Variants in ATP2C2 observed in about 807,000 individuals in gnomAD.
The protein encoded by ATP2C2 is ATPase secretory pathway Ca2+ transporting 2, also known as calcium-transporting ATPase type 2C member 2.
Under a neutral mutation model 110.8 loss-of-function variants are expected in ATP2C2, and 171 were observed. That is an observed-to-expected ratio of 1.54 (90% confidence interval 1.36 to 1.75). The LOEUF (loss-of-function observed/expected upper bound fraction) is 1.75. Among genes scored for constraint, ATP2C2 ranks in the 40% most tolerant of loss-of-function variants. The probability of loss-of-function intolerance (pLI) is 0.00; values close to 1 mark genes in which losing one functional copy is unlikely to be tolerated. For missense variants in ATP2C2, 1,963 were observed against 1,235.0 expected, an observed-to-expected ratio of 1.59 and a Z score of -8.84; for synonymous variants, 804 against 508.4, an observed-to-expected ratio of 1.58 and a Z score of -7.82.
At chr16:84,428,170 G>C (rs1907956448) in intron 11 of ATP2C2, among the ~76,000 whole-genome samples, 1 of 152,196 alleles carries the variant, frequency 6.6e-6, no homozygotes, top group Admixed American at 6.5e-5. Context: ...TGGCCAGTGT[G>C]GGCAAGAGAA....
Position 84,410,760 on chromosome 16 carries a change from T to G in ATP2C2, c.510T>G (p.Cys170Trp). The change falls in exon 6 of 27, where the codon TGT (cysteine) becomes TGG (tryptophan). Residue 170 changes from cysteine to tryptophan, a missense_variant. Cys to Trp is a radical substitution (Grantham distance 215, BLOSUM62 -2). Transcript: ENST00000262429. The stretch of plus-strand genomic sequence containing the variant: ...TGACCAAGCTGGTTCCTCCAGAATG[T>G]AACTGGTAAGTCAGAGCCTCCCTGG... ...EELTKLVPPECNCLREGKLQH... is the reference protein window; with the variant it reads ...EELTKLVPPEWNCLREGKLQH... The G allele has an allele frequency of 6.2e-7, 1 of 1,614,056 alleles. No homozygotes were observed. Among genetic ancestry groups the G allele is most frequent in the Non-Finnish European group, 8.5e-7 (1 of 1,179,914 alleles).
At chr16:84,434,264 A>G (rs1279643611) in intron 11 of ATP2C2, among the ~76,000 whole-genome samples, 3 of 144,726 alleles carry the variant, frequency 2.1e-5, no homozygotes, top group Non-Finnish European at 4.5e-5. Flanking sequence ...AAAAATACAA[A>G]AATTAGCCAG....
chr16:84,389,449 C>T (rs187415417), intron 1 of ATP2C2, among the ~76,000 whole-genome samples: 5 of 152,244 alleles, frequency 3.3e-5, no homozygotes, highest in African/African-American at 1.2e-4. Context: ...ACATGACACA[C>T]AGTCATGGTT....
chr16:84,439,190 G>A lies in ATP2C2; in HGVS notation c.1011G>A (p.Glu337=). The A allele has an allele frequency of 6.2e-7, 1 of 1,612,246 alleles. No individual in the cohort carries two copies. Among genetic ancestry groups the A allele is most frequent in the Non-Finnish European group, 8.5e-7 (1 of 1,180,032 alleles). The change falls in exon 12 of 27, where the codon GAG becomes GAA. Residue 337 remains glutamate, a synonymous_variant. Transcript: ENST00000262429. ...GVSLAVAAIP[E]GLPIVVMVTL... ...GCCTGGCTGTGGCGGCCATTCCAGA[G>A]GGTCTGCCCATCGTCGTCATGGTGA... is the stretch of plus-strand genomic sequence containing the variant.
intron 1 of ATP2C2, 90 bp downstream of exon 1, chr16:84,368,804 G>C (rs1173589333): frequency 8.8e-7 from 1 of 1,135,180 alleles, no homozygotes; most frequent in Non-Finnish European, 1.2e-6. Context: ...CCGCGTTCGC[G>C]CTGCGATCCG....
At chr16:84,378,186 A>G (rs761282502) in intron 1 of ATP2C2, among the ~76,000 whole-genome samples, 49 of 152,192 alleles carry the variant, frequency 3.2e-4, no homozygotes, top group Middle Eastern at 6.8e-3. Flanking sequence ...TTTCACCCCC[A>G]TGCACTTCTC....
chr16:84,405,295 G>A (rs375518819), intron 3 of ATP2C2, 51 bp downstream of exon 3: 3 of 1,476,714 alleles, frequency 2.0e-6, no homozygotes, highest in African/African-American at 2.8e-5. Context: ...GCCAGCGAGG[G>A]TGGGGCAGCC....
At chr16:84,409,507 C>A (rs1199324328) in intron 4 of ATP2C2, among the ~76,000 whole-genome samples, 2 of 152,058 alleles carry the variant, frequency 1.3e-5, no homozygotes, top group Non-Finnish European at 2.9e-5. Context: ...TTCTCCTGAG[C>A]ACATTTTTTT....
At chr16:84,378,166 G>C (rs1045328549) in intron 1 of ATP2C2, among the ~76,000 whole-genome samples, 7 of 152,330 alleles carry the variant, frequency 4.6e-5, no homozygotes, top group East Asian at 1.9e-4. Context: ...AGGCTAACTA[G>C]AACTGCTTAT....
At chr16:84,426,527 G>A (rs914581752) in intron 11 of ATP2C2, among the ~76,000 whole-genome samples, 5 of 152,040 alleles carry the variant, frequency 3.3e-5, no homozygotes, top group East Asian at 3.9e-4. Context: ...TAAATTCTAC[G>A]CTTGCCACAA....
intron 7 of ATP2C2, among the ~76,000 whole-genome samples, chr16:84,420,827 G>A (rs1473419426): frequency 6.6e-6 from 1 of 151,932 alleles, no homozygotes; most frequent in African/African-American, 2.4e-5. Flanking sequence ...TTTGTTTTGA[G>A]CAGAGTCTCT....
intron 7 of ATP2C2, among the ~76,000 whole-genome samples, chr16:84,421,380 AG>A (rs1907323625): frequency 6.6e-6 from 1 of 151,606 alleles, no homozygotes; most frequent in African/African-American, 2.4e-5. Flanking sequence ...ATGCTATGGC[AG>A]TGCACATATT....
chr16:84,463,805 C>G lies in ATP2C2; in HGVS notation c.*73C>G. ...GACTGTGGCCCCTGCCGTGTCTCCT[C>G]GTCAGGGGAGACTTTTAGGAGGCCG... On this transcript the variant is annotated 3_prime_UTR_variant, in exon 27 of 27. Transcript: ENST00000262429. 4 of 1,347,470 alleles carry G rather than the reference C, an allele frequency of 3.0e-6. No individual in the cohort carries two copies. The highest frequency in any genetic ancestry group is 4.2e-6 in the Non-Finnish European group (4 of 943,898). 83.5% of individuals were successfully genotyped at this position (1,347,470 alleles called of 1,614,324 possible). A position where few individuals can be genotyped will look rare whatever the true frequency, so the allele number is the denominator to read the frequency against.
intron 14 of ATP2C2, 115 bp downstream of exon 14, chr16:84,441,073 A>T: frequency 1.1e-6 from 1 of 900,418 alleles, no homozygotes; most frequent in Non-Finnish European, 1.8e-6. Context: ...TGACTGGCCC[A>T]TCCAGGGGTG....
At chr16:84,462,352 G>T (rs1026817848) in intron 26 of ATP2C2, 1 of 565,056 alleles carries the variant, frequency 1.8e-6, no homozygotes, top group East Asian at 3.1e-5. Context: ...TGTCACTCAA[G>T]AGTAGTAGGG....
chr16:84,459,465 C>G (rs905820850), intron 23 of ATP2C2, 79 bp downstream of exon 23: 1 of 1,603,354 alleles, frequency 6.2e-7, no homozygotes, highest in Non-Finnish European at 8.5e-7. Context: ...GGCTGTGCCC[C>G]AAGGCTATAG....
chr16:84,415,684 C>G, intron 7 of ATP2C2, 93 bp downstream of exon 7: 8 of 990,300 alleles, frequency 8.1e-6, no homozygotes, highest in Non-Finnish European at 1.2e-5. Context: ...TAGTCTCTCT[C>G]ATACACACAT....
intron 17 of ATP2C2, among the ~76,000 whole-genome samples, chr16:84,450,649 C>A (rs1013731737): frequency 6.6e-6 from 1 of 152,042 alleles, no homozygotes; most frequent in Non-Finnish European, 1.5e-5. Flanking sequence ...AGGAGGCATG[C>A]CAGCCCCATC....
At chr16:84,425,696 G>A in intron 10 of ATP2C2, 39 bp from the exon 11 acceptor site, 1 of 1,600,922 alleles carries the variant, frequency 6.2e-7, no homozygotes, top group Non-Finnish European at 8.6e-7. Context: ...AGCGTGTGTA[G>A]TGCATATGGA....
Sources: gnomAD v4.1 joint callset for allele counts (sites outside exome capture counted in the v4.1 genomes callset) on GRCh38, gnomAD v4.1.1 for gene constraint, MANE v1.5 for transcripts, NCBI Gene and HGNC (gene_info 2026-07-23, HGNC 2026-07-21) for gene names.